ARL6: variants seen among roughly 807,000 people sequenced by gnomAD.
The protein encoded by ARL6 is ARF like GTPase 6.
A neutral mutation model predicts 27.1 loss-of-function variants in ARL6; 18 were observed. The ratio of observed to expected loss-of-function variants is 0.66; its 90% CI spans 0.46 to 0.98. The LOEUF (loss-of-function observed/expected upper bound fraction) is 0.98. Ranked by LOEUF, ARL6 falls within the 50% of genes least tolerant of loss-of-function variation. ARL6 has a pLI of 0.00. For missense variants in ARL6, 187 were observed against 214.9 expected (o/e 0.87, Z 0.81); for synonymous variants, 65 against 72.3 (o/e 0.90, Z 0.51).
Position 97,768,056 on chromosome 3 carries a change from ATATTT to A in ARL6, c.-27-18_-27-14del. ...CCATAACTTAAGGTGCCTTTGGGTA[ATATTT>A]TATTTTTTCTTAATTGCAGCTGGTT... On this transcript the variant is annotated intron_variant, in intron 1 of 7. Coordinates refer to ENST00000463745, the MANE Select transcript of ARL6 (RefSeq NM_001278293.3). 6.2e-7 allele frequency: 1 copy of A among 1,604,612 alleles called. No homozygotes were observed. The highest frequency in any genetic ancestry group is 8.5e-7 in the Non-Finnish European group (1 of 1,172,918).
chr3:97,775,552 A>T (rs2036855377), intron 2 of ARL6, among the ~76,000 whole-genome samples: 1 of 152,056 alleles, frequency 6.6e-6, no homozygotes, highest in Non-Finnish European at 1.5e-5. Flanking sequence ...CAGCACACTG[A>T]CTCAAATGTT....
chr3:97,790,196 T>A (rs1156462500), intron 6 of ARL6, among the ~76,000 whole-genome samples: 1 of 151,656 alleles, frequency 6.6e-6, no homozygotes, highest in African/African-American at 2.4e-5. Flanking sequence ...AAATAAAGTA[T>A]GATAATAAGA....
intron 2 of ARL6, among the ~76,000 whole-genome samples, chr3:97,778,062 C>G (rs2036996030): frequency 6.6e-6 from 1 of 152,064 alleles, no homozygotes; most frequent in South Asian, 2.1e-4. Context: ...CTTTAGCTTC[C>G]TATTTTGTTA....
At chr3:97,781,960 C>G (rs1313213569) in intron 4 of ARL6, among the ~76,000 whole-genome samples, 1 of 151,658 alleles carries the variant, frequency 6.6e-6, no homozygotes, top group African/African-American at 2.4e-5. Context: ...GGGATATGAA[C>G]CAGAGGAAAT....
intron 4 of ARL6, among the ~76,000 whole-genome samples, chr3:97,782,023 A>G (rs1273305279): frequency 6.6e-6 from 1 of 152,026 alleles, no homozygotes; most frequent in South Asian, 2.1e-4. Context: ...GGCCTATTTA[A>G]ATCGTAGGTC....
chr3:97,784,815 A>G (rs1307781710), intron 4 of ARL6, 140 bp from the exon 5 acceptor site: 4 of 585,380 alleles, frequency 6.8e-6, no homozygotes, highest in Non-Finnish European at 1.2e-5. Context: ...AACTAATAAG[A>G]AACAACACCA....
intron 7 of ARL6, among the ~76,000 whole-genome samples, chr3:97,793,982 A>C (rs2037870339): frequency 6.6e-6 from 1 of 152,144 alleles, no homozygotes; most frequent in African/African-American, 2.4e-5. Flanking sequence ...AAAGTAAAAA[A>C]TAAAATGTGT....
chr3:97,765,069 T>C (rs2036303210), intron 1 of ARL6, 92 bp downstream of exon 1: 2 of 152,202 alleles, frequency 1.3e-5, no homozygotes, highest in South Asian at 4.2e-4. Flanking sequence ...TGTTTTTCAC[T>C]CCACGCGTGT....
intron 6 of ARL6, among the ~76,000 whole-genome samples, chr3:97,789,095 G>A (rs78224944): frequency 0.039 from 5,867 of 152,216 alleles, 209 homozygotes; most frequent in African/African-American, 0.095. Flanking sequence ...CGCTGAAAGA[G>A]TAATAGTAAA....
intron 4 of ARL6, among the ~76,000 whole-genome samples, chr3:97,781,717 C>G (rs1422394525): frequency 6.6e-6 from 1 of 151,952 alleles, no homozygotes; most frequent in Non-Finnish European, 1.5e-5. Flanking sequence ...TGGAGATTTG[C>G]ATATGGTAAT....
chr3:97,789,049 T>C (rs556082368), intron 6 of ARL6, among the ~76,000 whole-genome samples: 76 of 152,238 alleles, frequency 5.0e-4, no homozygotes, highest in South Asian at 8.3e-4. Context: ...AAGGAGGTCA[T>C]AGAGTTCAGA....
intron 1 of ARL6, among the ~76,000 whole-genome samples, chr3:97,767,475 G>A (rs1307868874): frequency 6.6e-6 from 1 of 152,042 alleles, no homozygotes; most frequent in Non-Finnish European, 1.5e-5. Context: ...AGTATTTCAG[G>A]ATTCTTTGCT....
At chr3:97,778,172 A>C (rs2037002592) in intron 2 of ARL6, among the ~76,000 whole-genome samples, 1 of 152,198 alleles carries the variant, frequency 6.6e-6, no homozygotes, top group South Asian at 2.1e-4. Context: ...GGGGAACATT[A>C]AAACTTAGGA....
chr3:97,771,845 G>A (rs944632979), intron 2 of ARL6, among the ~76,000 whole-genome samples: 15 of 152,040 alleles, frequency 9.9e-5, no homozygotes, highest in African/African-American at 3.4e-4. Flanking sequence ...ATATTGATTT[G>A]TGTATGTTGA....
At chr3:97,767,831 G>A (rs1200780536) in intron 1 of ARL6, among the ~76,000 whole-genome samples, 1 of 152,124 alleles carries the variant, frequency 6.6e-6, no homozygotes, top group Admixed American at 6.6e-5. Flanking sequence ...AAATTACAGA[G>A]AGAAATGTTG....
At position 97,799,614 on chromosome 3, in the gene ARL6, G is replaced by T. The variant is rs2038161717; in HGVS notation, c.*1565G>T. On this transcript the variant is annotated 3_prime_UTR_variant, in exon 8 of 8. Transcript: ENST00000463745. The stretch of plus-strand genomic sequence containing the variant: ...CAAATCCTCACTCACTTACCATAAG[G>T]TAGTAATAAAATTAATAATAGTTAC... The T allele has an allele frequency of 6.6e-6, 1 of 152,014 alleles. No homozygotes were observed. Among genetic ancestry groups the T allele is most frequent in the Non-Finnish European group, 1.5e-5 (1 of 67,960 alleles). The allele number at this position is 152,014 out of a possible 1,614,324, so 9.4% of individuals were successfully genotyped here.
At chr3:97,790,666 T>TA (rs2037689416) in intron 6 of ARL6, among the ~76,000 whole-genome samples, 1 of 152,104 alleles carries the variant, frequency 6.6e-6, no homozygotes, top group African/African-American at 2.4e-5. Flanking sequence ...CTCTTACTCT[T>TA]ACCATGGATA....
At position 97,784,991 on chromosome 3, in the gene ARL6, T is replaced by C; in HGVS notation, c.291T>C (p.Ser97=). Residue 97 remains serine (S), a synonymous_variant, in exon 5 of 8, where the codon AGT becomes AGC. Coordinates refer to ENST00000463745, the MANE Select transcript of ARL6 (RefSeq NM_001278293.3). ...CTATTATTTTTGTCATTGATAGTAG[T>C]GATAGATTAAGAATGGTTGTGGCCA... ...GQAIIFVIDS[S]DRLRMVVAKE... is the part of the protein sequence containing the mutation. The C allele has an allele frequency of 6.2e-7, 1 of 1,612,940 alleles. No homozygotes were observed. The highest frequency in any genetic ancestry group is 8.5e-7 in the Non-Finnish European group (1 of 1,179,220).
At position 97,787,970 on chromosome 3, in the gene ARL6, A is replaced by G. The variant is rs2037538702; in HGVS notation, c.350-20A>G. On this transcript the variant is annotated intron_variant, in intron 5 of 7. Coordinates refer to ENST00000463745, the MANE Select transcript of ARL6 (RefSeq NM_001278293.3). ...CCTAAAAAGCTGGAAGTGTGATGAT[A>G]ATCTTATTTTCTCTTTTAGATATTA... 3 of 1,612,658 alleles carry G rather than the reference A, an allele frequency of 1.9e-6. No individual in the cohort carries two copies. The highest frequency in any genetic ancestry group is 1.3e-5 in the African/African-American group (1 of 74,998).
Sources: gnomAD v4.1 joint callset for allele counts (sites outside exome capture counted in the v4.1 genomes callset) on GRCh38, gnomAD v4.1.1 for gene constraint, MANE v1.5 for transcripts, NCBI Gene and HGNC (gene_info 2026-07-23, HGNC 2026-07-21) for gene names.